DENND2C: variants seen among roughly 807,000 people sequenced by gnomAD.
The protein encoded by DENND2C is DENN domain-containing protein 2C.
A neutral mutation model predicts 112.4 loss-of-function variants in DENND2C; 72 were observed. That is an observed-to-expected ratio of 0.64 (90% confidence interval 0.53 to 0.78). The LOEUF (loss-of-function observed/expected upper bound fraction) is 0.78. DENND2C is among the 30% of genes least tolerant of loss of function. DENND2C has a pLI of 0.00. For synonymous variants in DENND2C, 329 were observed against 381.6 expected, an observed-to-expected ratio of 0.86 and a Z score of 1.61; for missense variants, 992 against 1,113.8, an observed-to-expected ratio of 0.89 and a Z score of 1.56.
At chr1:114,632,794 G>T (rs2336365) in intron 3 of DENND2C, among the ~76,000 whole-genome samples, 65,907 of 151,736 alleles carry the variant, frequency 0.43, 14,688 homozygotes, top group East Asian at 0.51. Context: ...TATGCTATTA[G>T]CAGAAATTTT....
At chr1:114,598,431 T>C (rs950382209) in intron 16 of DENND2C, among the ~76,000 whole-genome samples, 2 of 151,440 alleles carry the variant, frequency 1.3e-5, no homozygotes, top group African/African-American at 4.8e-5. Flanking sequence ...TGAATTACAT[T>C]GCTTAGGGAG....
At chr1:114,628,892 ATCCTAAC>A (rs1307736597) in intron 3 of DENND2C, among the ~76,000 whole-genome samples, 1 of 152,196 alleles carries the variant, frequency 6.6e-6, no homozygotes, top group Non-Finnish European at 1.5e-5. Context: ...ATTGGTAGAC[ATCCTAAC>A]TCCTAAGTGC....
At chr1:114,640,357 T>C (rs1656800896) in intron 3 of DENND2C, among the ~76,000 whole-genome samples, 1 of 152,186 alleles carries the variant, frequency 6.6e-6, no homozygotes. Context: ...CCGAGAGAAA[T>C]ATATGATTTT....
At chr1:114,599,143 A>C in intron 16 of DENND2C, 131 bp downstream of exon 16, 1 of 613,294 alleles carries the variant, frequency 1.6e-6, no homozygotes, top group South Asian at 5.6e-5. Flanking sequence ...GCAATATTAT[A>C]ATAATTTAAT....
chr1:114,619,573 T>C (rs919434458), intron 7 of DENND2C, among the ~76,000 whole-genome samples: 4 of 152,146 alleles, frequency 2.6e-5, no homozygotes, highest in Non-Finnish European at 4.4e-5. Flanking sequence ...AAAACACAGA[T>C]TATTACAACA....
chr1:114,651,430 C>T (rs1657163071), intron 2 of DENND2C, among the ~76,000 whole-genome samples: 1 of 151,610 alleles, frequency 6.6e-6, no homozygotes, highest in South Asian at 2.1e-4. Flanking sequence ...CCAGCCTGGG[C>T]AATGGAGCAA....
At chr1:114,630,286 G>A (rs780336606) in intron 3 of DENND2C, among the ~76,000 whole-genome samples, 2 of 151,226 alleles carry the variant, frequency 1.3e-5, no homozygotes, top group Non-Finnish European at 1.5e-5. Flanking sequence ...CCAGTCTGGC[G>A]ACAGAGCGAG....
At chr1:114,624,425 C>T (rs984629615) in intron 4 of DENND2C, among the ~76,000 whole-genome samples, 6 of 151,816 alleles carry the variant, frequency 4.0e-5, no homozygotes, top group Non-Finnish European at 5.9e-5. Flanking sequence ...GTAGGTAGGA[C>T]GACAGGAACA....
intron 3 of DENND2C, among the ~76,000 whole-genome samples, chr1:114,638,051 T>C (rs6537838): frequency 0.23 from 35,204 of 151,938 alleles, 4,474 homozygotes; most frequent in Non-Finnish European, 0.28. Context: ...TTAAGACTTA[T>C]AAAACTAAGT....
intron 3 of DENND2C, among the ~76,000 whole-genome samples, chr1:114,637,369 CAAAAAAA>C (rs71575188): frequency 7.8e-6 from 1 of 127,652 alleles, no homozygotes; most frequent in Non-Finnish European, 1.7e-5. Flanking sequence ...GACTCTGTCT[CAAAAAAA>C]AAAAAAAAAA....
intron 14 of DENND2C, among the ~76,000 whole-genome samples, chr1:114,600,578 A>T (rs1255216279): frequency 1.3e-5 from 2 of 152,184 alleles, no homozygotes; most frequent in African/African-American, 4.8e-5. Context: ...TTCATTTATC[A>T]CATGAAATTG....
intron 2 of DENND2C, among the ~76,000 whole-genome samples, chr1:114,653,635 A>T (rs1657230707): frequency 6.6e-6 from 1 of 152,094 alleles, no homozygotes; most frequent in Non-Finnish European, 1.5e-5. Flanking sequence ...ATAATGATTA[A>T]ACGTTTTGTG....
chr1:114,597,543 A>C (rs1570758331), intron 16 of DENND2C, among the ~76,000 whole-genome samples: 1 of 152,176 alleles, frequency 6.6e-6, no homozygotes, highest in East Asian at 1.9e-4. Context: ...GCACTTTGGG[A>C]GGCCGAAGAA....
chr1:114,599,317 A>G lies in DENND2C; in HGVS notation c.2240T>C (p.Leu747Pro). The part of the protein sequence containing the change: ...CSPTPFLIGI[L>P]SCSLPQLQDL... ...CTGGAGCTGTGGTAAGGAGCAAGAC[A>G]GGATTCCAATAAGGAATGGTGTAGG... Residue 747 changes from leucine (L) to proline (P), a missense_variant, in exon 16 of 21, where the codon CTG (leucine) becomes CCG (proline). Around this residue, in one of 3 missense-constraint regions of DENND2C, gnomAD observed 516 missense variants for 623.6 expected, o/e 0.83. Coordinates refer to ENST00000393274, the MANE Select transcript of DENND2C (RefSeq NM_001256404.2). 1 of 1,614,072 alleles carries G rather than the reference A, an allele frequency of 6.2e-7. No homozygotes were observed. The highest frequency in any genetic ancestry group is 8.5e-7 in the Non-Finnish European group (1 of 1,179,926).
chr1:114,632,580 A>T (rs1420760519), intron 3 of DENND2C, among the ~76,000 whole-genome samples: 1 of 152,218 alleles, frequency 6.6e-6, no homozygotes, highest in African/African-American at 2.4e-5. Flanking sequence ...AAATTTGTCA[A>T]CAGCAGGCCT....
chr1:114,591,658 C>T (rs1289209182), intron 18 of DENND2C, among the ~76,000 whole-genome samples: 1 of 152,052 alleles, frequency 6.6e-6, no homozygotes, highest in Non-Finnish European at 1.5e-5. Context: ...TTTATGGTCT[C>T]TGCTCTTTGT....
At chr1:114,652,462 G>T (rs1657192548) in intron 2 of DENND2C, among the ~76,000 whole-genome samples, 1 of 151,934 alleles carries the variant, frequency 6.6e-6, no homozygotes, top group Admixed American at 6.6e-5. Context: ...TCAAATTGTA[G>T]GAGATGGGTA....
At position 114,645,475 on chromosome 1, in the gene DENND2C, T is replaced by C. The variant is rs1656955080; in HGVS notation, c.-232A>G. The C allele has an allele frequency of 6.6e-6, 1 of 152,212 alleles. No individual in the cohort carries two copies. Among genetic ancestry groups the C allele is most frequent in the Non-Finnish European group, 1.5e-5 (1 of 68,038 alleles). The allele number at this position is 152,212 out of a possible 1,614,324, so 9.4% of individuals were successfully genotyped here. On this transcript the variant is annotated 5_prime_UTR_variant, in exon 3 of 21. Coordinates refer to ENST00000393274, the MANE Select transcript of DENND2C (RefSeq NM_001256404.2). ...TGTTGGCACCTTGATGTTAGATTTC[T>C]ACAGCCTCCAGACTTGTGAGAATAT...
intron 8 of DENND2C, among the ~76,000 whole-genome samples, chr1:114,614,577 G>A (rs1421970392): frequency 6.6e-6 from 1 of 151,026 alleles, no homozygotes; most frequent in Non-Finnish European, 1.5e-5. Flanking sequence ...AGAAGTTGGA[G>A]GATTTTTTTT....
Sources: gnomAD v4.1 joint callset for allele counts (sites outside exome capture counted in the v4.1 genomes callset) on GRCh38, gnomAD v4.1.1 for gene constraint, gnomAD v4.1.1 regional missense constraint, MANE v1.5 for transcripts, NCBI Gene and HGNC (gene_info 2026-07-23, HGNC 2026-07-21) for gene names.